Variants in CYREN observed in about 807,000 individuals in gnomAD.
CYREN encodes cell cycle regulator of NHEJ.
Under a neutral mutation model 9.7 loss-of-function variants are expected in CYREN, and 7 were observed. That is an observed-to-expected ratio of 0.72 (90% confidence interval 0.41 to 1.36). CYREN has a LOEUF of 1.36. CYREN is among the 40% of genes most tolerant of loss of function. The pLI, the probability that CYREN is intolerant of heterozygous loss-of-function variation, is 0.01. For missense variants in CYREN, 215 were observed against 198.1 expected (o/e 1.09, Z -0.51); for synonymous variants, 76 against 77.9 (o/e 0.98, Z 0.13).
intron 2 of CYREN, among the ~76,000 whole-genome samples, chr7:135,146,083 CAT>C (rs1354387836): frequency 6.6e-6 from 1 of 152,174 alleles, no homozygotes; most frequent in East Asian, 1.9e-4. Context: ...AAATGAAAGA[CAT>C]GTGACACTTC....
At chr7:135,096,624 G>GAT (rs1585088072) in intron 2 of CYREN, among the ~76,000 whole-genome samples, 1 of 147,930 alleles carries the variant, frequency 6.8e-6, no homozygotes. Context: ...TAGATAGATA[G>GAT]GGCTATTCTT....
At chr7:135,115,446 TA>T (rs1214755710) in intron 2 of CYREN, 3 of 1,551,402 alleles carry the variant, frequency 1.9e-6, no homozygotes, top group South Asian at 2.4e-5. Context: ...AAGACTGGCA[TA>T]AATTGGACAG....
In CYREN at chr7:135,111,673, T is replaced by C. The variant is rs142973335; in HGVS notation, n.357-17091A>G. ...TGACACTACTCTCTCCTGGTTTTACTCCTGTTTCTCTAGCCATTCATGAAA... is the reference window on the plus strand; with the variant it reads ...TGACACTACTCTCTCCTGGTTTTACCCCTGTTTCTCTAGCCATTCATGAAA... On this transcript the variant is annotated intron_variant and non_coding_transcript_variant, in intron 2 of 2. Transcript: ENST00000459937. Among the ~76,000 whole-genome samples the C allele has an allele frequency of 4.6e-3, 700 of 152,308 alleles. 3 individuals carry two copies. Among genetic ancestry groups the C allele is most frequent in the African/African-American group, 0.016 (669 of 41,566 alleles).
chr7:135,128,699 G>A (rs182501311), intron 2 of CYREN: 7 of 1,340,682 alleles, frequency 5.2e-6, no homozygotes, highest in Middle Eastern at 2.4e-4. Context: ...CTCCTTTTGA[G>A]CTCAAGATTG....
upstream of CYREN, among the ~76,000 whole-genome samples, chr7:135,171,701 T>C (rs182374190): frequency 1.3e-5 from 2 of 152,324 alleles, no homozygotes; most frequent in Non-Finnish European, 2.9e-5. Flanking sequence ...CTTCTACAGC[T>C]CCGTGTCTGA....
chr7:135,144,488 A>G (rs2117404033), intron 2 of CYREN, among the ~76,000 whole-genome samples: 1 of 152,290 alleles, frequency 6.6e-6, no homozygotes, highest in East Asian at 1.9e-4. Flanking sequence ...TAAGCAATTA[A>G]GAGGAAATGA....
chr7:135,100,342 G>A (rs1713639313), intron 2 of CYREN, among the ~76,000 whole-genome samples: 1 of 152,050 alleles, frequency 6.6e-6, no homozygotes, highest in Non-Finnish European at 1.5e-5. Context: ...AGAAGAGAAT[G>A]GGAAGTCAAA....
chr7:135,154,791 T>C (rs1017828426), intron 2 of CYREN, among the ~76,000 whole-genome samples: 6 of 152,254 alleles, frequency 3.9e-5, no homozygotes, highest in African/African-American at 1.4e-4. Flanking sequence ...TTGGAGAATG[T>C]TCCATGTGCT....
chr7:135,114,388 G>C (rs563214282), intron 2 of CYREN, among the ~76,000 whole-genome samples: 1 of 152,162 alleles, frequency 6.6e-6, no homozygotes, highest in South Asian at 2.1e-4. Context: ...TTTGATAGCA[G>C]CCATCCTAAT....
intron 2 of CYREN, among the ~76,000 whole-genome samples, chr7:135,106,777 C>T (rs1186509282): frequency 6.6e-6 from 1 of 152,124 alleles, no homozygotes; most frequent in Non-Finnish European, 1.5e-5. Flanking sequence ...GAAATAGTTT[C>T]AGTAGGAATG....
chr7:135,129,557 T>C (rs1250518662), intron 2 of CYREN: 21 of 772,740 alleles, frequency 2.7e-5, no homozygotes, highest in Non-Finnish European at 2.4e-6. Flanking sequence ...AATATTTCTG[T>C]TGGATTTGCA....
chr7:135,154,139 CT>C (rs1829730391), intron 2 of CYREN, among the ~76,000 whole-genome samples: 1 of 152,010 alleles, frequency 6.6e-6, no homozygotes, highest in South Asian at 2.1e-4. Flanking sequence ...CATAATAGTC[CT>C]TGATGATCTT....
At chr7:135,118,723 G>T (rs1280089067) in intron 2 of CYREN, among the ~76,000 whole-genome samples, 1 of 152,008 alleles carries the variant, frequency 6.6e-6, no homozygotes, top group Non-Finnish European at 1.5e-5. Flanking sequence ...TTTTGACAAA[G>T]ATTTTTAAAG....
At chr7:135,113,625 A>C (rs997856037) in intron 2 of CYREN, among the ~76,000 whole-genome samples, 3 of 152,232 alleles carry the variant, frequency 2.0e-5, no homozygotes, top group Non-Finnish European at 4.4e-5. Flanking sequence ...GGCTTTACTC[A>C]GGGTTCCACC....
At chr7:135,102,392 T>TA (rs967645897) in intron 2 of CYREN, among the ~76,000 whole-genome samples, 2 of 152,280 alleles carry the variant, frequency 1.3e-5, no homozygotes, top group South Asian at 2.1e-4. Context: ...CATTAATTCT[T>TA]AAAAAATGTT....
At chr7:135,134,776 C>T in intron 2 of CYREN, 2 of 1,359,782 alleles carry the variant, frequency 1.5e-6, no homozygotes, top group South Asian at 1.4e-5. Flanking sequence ...ACTATGACAA[C>T]ATACCTAGGA....
intron 2 of CYREN, chr7:135,128,669 A>G (rs1265268094): frequency 1.4e-5 from 15 of 1,103,548 alleles, no homozygotes; most frequent in Non-Finnish European, 1.9e-5. Context: ...AAGAGACCCT[A>G]GTATACCTGA....
chr7:135,136,986 G>C (rs1354789450), intron 2 of CYREN, among the ~76,000 whole-genome samples: 1 of 151,974 alleles, frequency 6.6e-6, no homozygotes, highest in Non-Finnish European at 1.5e-5. Flanking sequence ...TCAGTTTTCT[G>C]AGCATGCCAC....
chr7:135,106,484 TC>T (rs748468513), intron 2 of CYREN, among the ~76,000 whole-genome samples: 80 of 152,328 alleles, frequency 5.3e-4, no homozygotes, highest in Non-Finnish European at 1.0e-3. Flanking sequence ...CGTGGTTTTG[TC>T]TTTAGTTCTG....
Sources: gnomAD v4.1 joint callset for allele counts (sites outside exome capture counted in the v4.1 genomes callset) on GRCh38, gnomAD v4.1.1 for gene constraint, MANE v1.5 for transcripts, NCBI Gene and HGNC (gene_info 2026-07-23, HGNC 2026-07-21) for gene names.